COG5: variants seen among roughly 807,000 people sequenced by gnomAD.
COG5 encodes component of oligomeric golgi complex 5, also known as conserved oligomeric Golgi complex subunit 5.
COG5 carries 86 observed loss-of-function variants against 110.4 expected under a neutral mutation model. That is an observed-to-expected ratio of 0.78 (90% CI 0.65 to 0.93). The LOEUF (loss-of-function observed/expected upper bound fraction) is 0.93, where lower values mean the gene tolerates loss of function less well. Ranked by LOEUF, COG5 falls within the 40% of genes least tolerant of loss-of-function variation. COG5 has a pLI of 0.00. For missense variants in COG5, 1,077 were observed against 987.0 expected, an observed-to-expected ratio of 1.09 and a Z score of -1.22; for synonymous variants, 360 against 334.6, an observed-to-expected ratio of 1.08 and a Z score of -0.83.
At chr7:107,230,925 A>C (rs201403450) in intron 18 of COG5, among the ~76,000 whole-genome samples, 1 of 149,638 alleles carries the variant, frequency 6.7e-6, no homozygotes, top group African/African-American at 2.5e-5. Context: ...TAAAAAAAAA[A>C]CATTTTTTGT....
intron 6 of COG5, among the ~76,000 whole-genome samples, chr7:107,447,105 A>C (rs1795052242): frequency 6.6e-6 from 1 of 152,106 alleles, no homozygotes; most frequent in Non-Finnish European, 1.5e-5. Context: ...TGCAGCACTG[A>C]CTTTCTGGTT....
At chr7:107,297,951 C>CA (rs1217470181) in intron 12 of COG5, among the ~76,000 whole-genome samples, 191 bp downstream of exon 12, 4 of 152,040 alleles carry the variant, frequency 2.6e-5, no homozygotes, top group Non-Finnish European at 5.9e-5. Context: ...CACAAGTGTT[C>CA]AACTAAGGGT....
At chr7:107,435,999 G>A (rs886201099) in intron 6 of COG5, among the ~76,000 whole-genome samples, 1 of 152,214 alleles carries the variant, frequency 6.6e-6, no homozygotes, top group Non-Finnish European at 1.5e-5. Context: ...TGGCAACATG[G>A]ATGAACTTGG....
chr7:107,295,474 T>A (rs1219296736), intron 12 of COG5, among the ~76,000 whole-genome samples: 2 of 152,078 alleles, frequency 1.3e-5, no homozygotes, highest in East Asian at 1.9e-4. Flanking sequence ...AAAAATGATA[T>A]CCTGGCTATT....
intron 6 of COG5, among the ~76,000 whole-genome samples, chr7:107,428,251 C>T (rs1178503272): frequency 6.6e-6 from 1 of 152,096 alleles, no homozygotes; most frequent in East Asian, 1.9e-4. Flanking sequence ...GGACCTGCCC[C>T]TGTCTGCTTA....
chr7:107,219,884 T>A (rs1799787609), intron 19 of COG5, among the ~76,000 whole-genome samples: 1 of 152,228 alleles, frequency 6.6e-6, no homozygotes, highest in South Asian at 2.1e-4. Context: ...TAGTTTGAAT[T>A]AATCATCCCA....
rs114633010 is a variant in COG5 at position 107,360,252 on chromosome 7, G to A, written c.1026+1781C>T. Among the ~76,000 whole-genome samples, 310 of 152,322 alleles carry A rather than the reference G, an allele frequency of 2.0e-3. 2 individuals are homozygous for A. The highest frequency in any genetic ancestry group is 7.2e-3 in the African/African-American group (299 of 41,562). Reference sequence around the variant, plus strand: ...CCTCTCCACTAAGAGCTGGACACTTGTGGGGACGATCTGCTTGCAGAAAGG... The same window carrying A: ...CCTCTCCACTAAGAGCTGGACACTTATGGGGACGATCTGCTTGCAGAAAGG... On this transcript the variant is annotated intron_variant, in intron 10 of 21. Coordinates refer to ENST00000297135, the MANE Select transcript of COG5 (RefSeq NM_006348.5).
chr7:107,501,302 T>C (rs1798614711), intron 6 of COG5, among the ~76,000 whole-genome samples: 1 of 151,778 alleles, frequency 6.6e-6, no homozygotes, highest in South Asian at 2.1e-4. Context: ...AAAAAGAAAA[T>C]CCCTTAGAAC....
intron 6 of COG5, among the ~76,000 whole-genome samples, chr7:107,502,614 T>C (rs961259431): frequency 1.3e-5 from 2 of 152,212 alleles, no homozygotes; most frequent in Non-Finnish European, 2.9e-5. Context: ...TCCATAAAGG[T>C]TGTATTAATT....
intron 19 of COG5, among the ~76,000 whole-genome samples, chr7:107,213,720 A>G (rs930475405): frequency 1.3e-5 from 2 of 152,344 alleles, no homozygotes; most frequent in East Asian, 3.9e-4. Context: ...CCTGGGGTTG[A>G]TATCAGCTGG....
intron 6 of COG5, among the ~76,000 whole-genome samples, chr7:107,526,393 G>A (rs1015740699): frequency 3.9e-5 from 6 of 152,202 alleles, no homozygotes; most frequent in Non-Finnish European, 2.9e-5. Context: ...CTGCATCATG[G>A]ACTTTGCAGC....
At chr7:107,413,860 C>A (rs574849698) in intron 6 of COG5, among the ~76,000 whole-genome samples, 7 of 152,302 alleles carry the variant, frequency 4.6e-5, no homozygotes, top group South Asian at 4.1e-4. Flanking sequence ...TCTAAACAAT[C>A]TTGCTAGAAA....
At chr7:107,336,726 A>G (rs1810729897) in intron 10 of COG5, among the ~76,000 whole-genome samples, 1 of 152,214 alleles carries the variant, frequency 6.6e-6, no homozygotes, top group African/African-American at 2.4e-5. Context: ...AAAGTCACTG[A>G]CAGGGTTTTT....
chr7:107,241,516 G>A (rs1288349674), intron 17 of COG5, among the ~76,000 whole-genome samples: 3 of 150,848 alleles, frequency 2.0e-5, no homozygotes, highest in Non-Finnish European at 4.4e-5. Context: ...GCAGTGGCGC[G>A]ATCTGGGCTC....
chr7:107,232,902 T>C (rs2116423819), intron 18 of COG5, among the ~76,000 whole-genome samples: 1 of 152,264 alleles, frequency 6.6e-6, no homozygotes. Flanking sequence ...TACATAGCTG[T>C]TCCTTCCCTA....
At chr7:107,244,697 A>G (rs568139668) in intron 17 of COG5, among the ~76,000 whole-genome samples, 2 of 152,282 alleles carry the variant, frequency 1.3e-5, no homozygotes, top group South Asian at 4.2e-4. Flanking sequence ...TAGAAAACCT[A>G]GAAGAGATGG....
At chr7:107,447,203 G>A (rs79273004) in intron 6 of COG5, among the ~76,000 whole-genome samples, 208 of 152,104 alleles carry the variant, frequency 1.4e-3, no homozygotes, top group African/African-American at 3.3e-3. Flanking sequence ...TCCATCTCAC[G>A]CTTTGAATCT....
At chr7:107,244,228 G>C (rs960834281) in intron 17 of COG5, among the ~76,000 whole-genome samples, 4 of 152,044 alleles carry the variant, frequency 2.6e-5, no homozygotes, top group African/African-American at 4.8e-5. Context: ...CTCCAGCCTG[G>C]GCAACACAGC....
chr7:107,552,879 A>C (rs1029808155), intron 3 of COG5, among the ~76,000 whole-genome samples: 2 of 152,222 alleles, frequency 1.3e-5, no homozygotes, highest in African/African-American at 4.8e-5. Flanking sequence ...GCCCAACAAC[A>C]GTGAATTAAA....
Sources: allele counts gnomAD v4.1 joint callset (sites outside exome capture counted in the v4.1 genomes callset), GRCh38; gene constraint gnomAD v4.1.1; transcripts MANE v1.5; gene names NCBI Gene and HGNC (gene_info 2026-07-23, HGNC 2026-07-21).